GCNT2: variants seen among roughly 807,000 people sequenced by gnomAD.
GCNT2 encodes N-acetyllactosaminide beta-1,6-N-acetylglucosaminyl-transferase.
A neutral mutation model predicts 34.2 loss-of-function variants in GCNT2; 34 were observed. That is an observed-to-expected ratio of 1.00 (90% CI 0.76 to 1.32). The LOEUF (loss-of-function observed/expected upper bound fraction) is 1.32, where lower values mean the gene tolerates loss of function less well. GCNT2 is among the 40% of genes most tolerant of loss of function. GCNT2 has a pLI of 0.00. For missense variants in GCNT2, 584 were observed against 489.4 expected (o/e 1.19, Z -1.82); for synonymous variants, 212 against 188.0 (o/e 1.13, Z -1.04).
intron 3 of GCNT2, among the ~76,000 whole-genome samples, chr6:10,594,150 G>A (rs1468845623): frequency 2.6e-5 from 4 of 152,196 alleles, no homozygotes; most frequent in Non-Finnish European, 4.4e-5. Context: ...TTCTGATTCA[G>A]CAGGTCTGGA....
chr6:10,532,632 T>C (rs1464412422), intron 3 of GCNT2, among the ~76,000 whole-genome samples: 2 of 152,124 alleles, frequency 1.3e-5, no homozygotes, highest in African/African-American at 4.8e-5. Context: ...CCCCCATGCC[T>C]GGCTAACTTT....
At chr6:10,565,843 G>C (rs1292645221) in intron 3 of GCNT2, among the ~76,000 whole-genome samples, 1 of 151,824 alleles carries the variant, frequency 6.6e-6, no homozygotes, top group Non-Finnish European at 1.5e-5. Flanking sequence ...TAGTTTCCCT[G>C]TTCCGTGCTT....
At chr6:10,540,325 A>T (rs1761982073) in intron 3 of GCNT2, among the ~76,000 whole-genome samples, 1 of 152,200 alleles carries the variant, frequency 6.6e-6, no homozygotes, top group South Asian at 2.1e-4. Flanking sequence ...AATGGCCTCC[A>T]CAACCTGTTC....
Position 10,628,495 on chromosome 6 carries a change from G to A in GCNT2, c.*1888G>A, listed in dbSNP as rs1230523242. On this transcript the variant is annotated 3_prime_UTR_variant, in exon 5 of 5. Transcript: ENST00000495262. ...CTGGTCACACAAGGAACTCTTGAAGGCCACATGTGAAAACCTGTCACTTGC... is the reference window on the plus strand; with the variant it reads ...CTGGTCACACAAGGAACTCTTGAAGACCACATGTGAAAACCTGTCACTTGC... The A allele has an allele frequency of 6.6e-6, 1 of 152,172 alleles. No individual in the cohort carries two copies. The highest frequency in any genetic ancestry group is 1.5e-5 in the Non-Finnish European group (1 of 68,046). 9.4% of individuals were successfully genotyped at this position (152,172 alleles called of 1,614,324 possible). A position where few individuals can be genotyped will look rare whatever the true frequency, so the allele number is the denominator to read the frequency against.
At chr6:10,584,290 A>G (rs989147136) in intron 3 of GCNT2, among the ~76,000 whole-genome samples, 4 of 152,172 alleles carry the variant, frequency 2.6e-5, no homozygotes, top group Non-Finnish European at 5.9e-5. Context: ...TTTATATTTA[A>G]CTTTACATAA....
intron 3 of GCNT2, among the ~76,000 whole-genome samples, chr6:10,582,373 A>AT: frequency 8.4e-6 from 1 of 118,618 alleles, no homozygotes; most frequent in Non-Finnish European, 1.6e-5. Context: ...AATATATACT[A>AT]TAATTTAATA....
At chr6:10,560,174 T>C (rs975410973) in intron 3 of GCNT2, among the ~76,000 whole-genome samples, 3 of 152,222 alleles carry the variant, frequency 2.0e-5, no homozygotes, top group Non-Finnish European at 4.4e-5. Context: ...CTGCAACCTC[T>C]GCCTCCCGGG....
chr6:10,586,260 G>A, intron 3 of GCNT2: 1 of 1,614,198 alleles, frequency 6.2e-7, no homozygotes, highest in Non-Finnish European at 8.5e-7. Flanking sequence ...CCTGTCGGAA[G>A]AAGAGGCTGC....
chr6:10,547,162 T>G (rs1033598492), intron 3 of GCNT2, among the ~76,000 whole-genome samples: 1 of 152,232 alleles, frequency 6.6e-6, no homozygotes, highest in Non-Finnish European at 1.5e-5. Flanking sequence ...ATATCTGCTC[T>G]CTCTCTTATT....
intron 3 of GCNT2, among the ~76,000 whole-genome samples, chr6:10,550,440 A>C (rs1381009809): frequency 6.6e-6 from 1 of 152,008 alleles, no homozygotes; most frequent in Non-Finnish European, 1.5e-5. Context: ...TGACTCCCAA[A>C]CTTTGGTCCT....
At chr6:10,524,084 G>A (rs935704739) in intron 1 of GCNT2, among the ~76,000 whole-genome samples, 8 of 151,806 alleles carry the variant, frequency 5.3e-5, no homozygotes, top group African/African-American at 1.9e-4. Flanking sequence ...CTTACAGCCT[G>A]CGAGATCCAT....
intron 3 of GCNT2, among the ~76,000 whole-genome samples, chr6:10,610,921 T>A (rs1024167960): frequency 2.0e-5 from 3 of 152,230 alleles, no homozygotes; most frequent in African/African-American, 7.2e-5. Flanking sequence ...TCCTCCTTTC[T>A]TCATTTCATC....
intron 3 of GCNT2, among the ~76,000 whole-genome samples, chr6:10,613,193 G>A (rs761455321): frequency 6.6e-6 from 1 of 152,112 alleles, no homozygotes; most frequent in African/African-American, 2.4e-5. Context: ...TATAAATAAA[G>A]CTTGCATTTC....
intron 3 of GCNT2, among the ~76,000 whole-genome samples, chr6:10,588,969 GTGTA>G (rs1032703075): frequency 2.0e-5 from 3 of 149,210 alleles, no homozygotes; most frequent in Non-Finnish European, 3.0e-5. Flanking sequence ...TGTGGTGTGT[GTGTA>G]TGTATGGTGT....
chr6:10,599,619 G>A (rs1396984748), intron 3 of GCNT2, among the ~76,000 whole-genome samples: 1 of 152,102 alleles, frequency 6.6e-6, no homozygotes, highest in East Asian at 1.9e-4. Context: ...GAATGAAGAC[G>A]GTAGCTTCCC....
chr6:10,555,919 A>G, intron 3 of GCNT2: 1 of 1,006,908 alleles, frequency 9.9e-7, no homozygotes. Context: ...TGCCACGAAC[A>G]ACAAGAGAGG....
Position 10,529,682 on chromosome 6 carries a change from C to G in GCNT2, c.771C>G (p.Asp257Glu). The G allele has an allele frequency of 6.2e-7, 1 of 1,614,110 alleles. No individual in the cohort carries two copies. The highest frequency in any genetic ancestry group is 8.5e-7 in the Non-Finnish European group (1 of 1,180,004). ...AATTAAAAACTCCTCCTCCTCATGA[C>G]ATGGTGATTTACTTTGGCACGGCCT... is the stretch of plus-strand genomic sequence containing the variant. ...TTKLKTPPPH[D>E]MVIYFGTAYV... Residue 257 changes from aspartate (D) to glutamate (E), a missense_variant, in exon 3 of 5, where the codon GAC becomes GAG. Physicochemically the swap from Asp to Glu is conservative, Grantham distance 45. Transcript: ENST00000495262.
chr6:10,561,686 C>T (rs1186320793), intron 3 of GCNT2, among the ~76,000 whole-genome samples: 3 of 152,220 alleles, frequency 2.0e-5, no homozygotes, highest in Admixed American at 1.3e-4. Context: ...CTGTTTTTCC[C>T]TCGCTGCACT....
chr6:10,586,390 C>T, intron 3 of GCNT2: 1 of 1,614,150 alleles, frequency 6.2e-7, no homozygotes. Flanking sequence ...AAAGCCCCAG[C>T]TGAGTATAAG....
Sources: gnomAD v4.1 joint callset for allele counts (sites outside exome capture counted in the v4.1 genomes callset) on GRCh38, gnomAD v4.1.1 for gene constraint, MANE v1.5 for transcripts, NCBI Gene and HGNC (gene_info 2026-07-23, HGNC 2026-07-21) for gene names.